Variants in GOLGB1 observed in about 807,000 individuals in gnomAD.
GOLGB1 encodes golgin B1, also known as golgin subfamily B member 1.
A neutral mutation model predicts 336.9 loss-of-function variants in GOLGB1; 174 were observed. That is an observed-to-expected ratio of 0.52 (90% CI 0.46 to 0.59). GOLGB1 has a LOEUF of 0.59. Ranked by LOEUF, GOLGB1 falls within the 20% of genes least tolerant of loss-of-function variation. GOLGB1 has a pLI of 0.00. For missense variants in GOLGB1, 3,331 were observed against 3,645.3 expected (o/e 0.91, Z 2.22); for synonymous variants, 1,208 against 1,289.2 (o/e 0.94, Z 1.35).
intron 12 of GOLGB1, among the ~76,000 whole-genome samples, 172 bp downstream of exon 12, chr3:121,699,640 C>A (rs1042064235): frequency 4.6e-5 from 7 of 152,158 alleles, no homozygotes; most frequent in African/African-American, 1.7e-4. Context: ...TATTCAGAAA[C>A]AAGTAACAAT....
intron 10 of GOLGB1, among the ~76,000 whole-genome samples, chr3:121,710,762 C>T (rs1041547111): frequency 4.0e-5 from 6 of 151,886 alleles, no homozygotes; most frequent in Non-Finnish European, 5.9e-5. Context: ...GAGGCTGAGG[C>T]GGGAGGATCA....
chr3:121,721,075 T>C (rs1945159319), intron 6 of GOLGB1, among the ~76,000 whole-genome samples: 1 of 152,158 alleles, frequency 6.6e-6, no homozygotes, highest in South Asian at 2.1e-4. Context: ...CTGCACTGTA[T>C]ATAGTGCTTA....
intron 10 of GOLGB1, among the ~76,000 whole-genome samples, chr3:121,713,174 T>C (rs1258459527): frequency 6.6e-6 from 1 of 151,660 alleles, no homozygotes; most frequent in East Asian, 1.9e-4. Context: ...AAAAAAAAAA[T>C]AGTACAACCA....
chr3:121,741,238 A>G (rs1249593989), intron 1 of GOLGB1, among the ~76,000 whole-genome samples: 1 of 152,174 alleles, frequency 6.6e-6, no homozygotes, highest in Non-Finnish European at 1.5e-5. Flanking sequence ...GGCAATCCAA[A>G]TGACTAAAGA....
At chr3:121,736,649 T>C (rs554990684) in intron 1 of GOLGB1, among the ~76,000 whole-genome samples, 7 of 152,204 alleles carry the variant, frequency 4.6e-5, no homozygotes, top group Non-Finnish European at 1.0e-4. Context: ...ACGCCTGTAA[T>C]CCTGGCACTT....
At chr3:121,740,659 C>T (rs1231353012) in intron 1 of GOLGB1, among the ~76,000 whole-genome samples, 5 of 151,968 alleles carry the variant, frequency 3.3e-5, no homozygotes, top group Non-Finnish European at 7.4e-5. Context: ...GAAATAATTC[C>T]TAATAATTTG....
chr3:121,698,419 C>T lies in GOLGB1; in HGVS notation c.2104G>A (p.Glu702Lys), dbSNP rs779415403. 57 of 1,613,732 alleles carry T rather than the reference C, an allele frequency of 3.5e-5. No homozygotes were observed. Among genetic ancestry groups the T allele is most frequent in the South Asian group, 8.8e-5 (8 of 91,074 alleles). The change falls in exon 13 of 22, where the codon GAG (glutamate) becomes AAG (lysine). Residue 702 changes from glutamate (E) to lysine (K), a missense_variant. Glu to Lys is a moderately conservative substitution (Grantham distance 56). Coordinates refer to ENST00000614479, the MANE Select transcript of GOLGB1 (RefSeq NM_001366282.2). The part of the protein sequence containing the change: ...ERLKSQILEL[E>K]LNFHKAQEIY... The stretch of plus-strand genomic sequence containing the variant: ...TCTTGTGCTTTATGAAAGTTTAGCT[C>T]GAGCTCCAAAATTTGACTTTTTAAC...
At chr3:121,685,497 T>G (rs1415123776) in intron 14 of GOLGB1, among the ~76,000 whole-genome samples, 1 of 151,828 alleles carries the variant, frequency 6.6e-6, no homozygotes, top group African/African-American at 2.4e-5. Context: ...ATGGCGCCAC[T>G]GCACTCCAGC....
chr3:121,677,366 G>A lies in GOLGB1; in HGVS notation c.8958C>T (p.Leu2986=). The A allele has an allele frequency of 6.2e-7, 1 of 1,604,020 alleles. No individual in the cohort carries two copies. Among genetic ancestry groups the A allele is most frequent in the Non-Finnish European group, 8.5e-7 (1 of 1,170,842 alleles). ...CCCTTATAAGATTCTGCAGATGACT[G>A]AGCTGCTGATCTTTATCTGAGATAG... ...LMAISDKDQQ[L]SHLQNLIREL... Residue 2986 remains leucine (L), a synonymous_variant, in exon 16 of 22, where the codon CTC becomes CTT. Coordinates refer to ENST00000614479, the MANE Select transcript of GOLGB1 (RefSeq NM_001366282.2).
rs570324090 is a variant in GOLGB1, at chr3:121,686,155, T to C, written c.8695-4290A>G. 7.2e-4 allele frequency among the ~76,000 whole-genome samples: 109 copies of C among 152,366 alleles called. 1 individual carries two copies. The highest frequency in any genetic ancestry group is 4.1e-3 in the South Asian group (20 of 4,828). On this transcript the variant is annotated intron_variant, in intron 14 of 21. Transcript: ENST00000614479. Reference sequence around the variant, plus strand: ...GATGTTTCACAACTGCACAGTGTTCTCTTTATGGGAACACAGAAGAAATTT... The same window carrying C: ...GATGTTTCACAACTGCACAGTGTTCCCTTTATGGGAACACAGAAGAAATTT...
Position 121,663,768 on chromosome 3 carries a change from A to G in GOLGB1, c.*712T>C, listed in dbSNP as rs1042918948. Reference sequence around the variant, plus strand: ...CTTCTCCCTGCCCTTTGGTGAAAGGAAAGACTTGGGCCACTTAATACCTTA... The same window carrying G: ...CTTCTCCCTGCCCTTTGGTGAAAGGGAAGACTTGGGCCACTTAATACCTTA... On this transcript the variant is annotated 3_prime_UTR_variant, in exon 22 of 22. Transcript: ENST00000614479. 2.0e-4 allele frequency: 30 copies of G among 152,340 alleles called. No individual in the cohort carries two copies. The highest frequency in any genetic ancestry group is 7.2e-4 in the African/African-American group (30 of 41,564). 9.4% of individuals were successfully genotyped at this position (152,340 alleles called of 1,614,324 possible). A position where few individuals can be genotyped will look rare whatever the true frequency, so the allele number is the denominator to read the frequency against.
chr3:121,730,783 G>C, intron 2 of GOLGB1, 93 bp downstream of exon 2: 1 of 1,211,354 alleles, frequency 8.3e-7, no homozygotes, highest in Non-Finnish European at 1.1e-6. Context: ...TAGTACCAGG[G>C]AGGCTTCGCA....
Position 121,691,833 on chromosome 3 carries a change from T to G in GOLGB1, c.7531A>C (p.Asn2511His). 1 of 1,613,160 alleles carries G rather than the reference T, an allele frequency of 6.2e-7. No individual in the cohort carries two copies. Among genetic ancestry groups the G allele is most frequent in the Non-Finnish European group, 8.5e-7 (1 of 1,179,664 alleles). ...CCTCGTATTTCTTCTTTAAGCTTAT[T>G]ATTCTCTGCAGCAGCCTCTTGGATG... The part of the protein sequence containing the change: ...QLIQEAAAEN[N>H]KLKEEIRGLR... The change falls in exon 14 of 22, where the codon AAT (asparagine) becomes CAT (histidine). Residue 2511 changes from asparagine to histidine, a missense_variant. Physicochemically the swap from Asn to His is moderately conservative, Grantham distance 68 (BLOSUM62 1). Coordinates refer to ENST00000614479, the MANE Select transcript of GOLGB1 (RefSeq NM_001366282.2).
chr3:121,708,779 A>G (rs1466215621), intron 10 of GOLGB1, among the ~76,000 whole-genome samples: 1 of 152,202 alleles, frequency 6.6e-6, no homozygotes, highest in Non-Finnish European at 1.5e-5. Context: ...TAAATTCAAG[A>G]AACTTCTAAT....
chr3:121,675,760 T>C (rs1475320168), intron 17 of GOLGB1, among the ~76,000 whole-genome samples: 4 of 152,358 alleles, frequency 2.6e-5, no homozygotes, highest in Middle Eastern at 3.4e-3. Context: ...AATAAAACAT[T>C]AAAAATTTTT....
At position 121,690,044 on chromosome 3, in the gene GOLGB1, T is replaced by C. The variant is rs577064110; in HGVS notation, c.8694+626A>G. On this transcript the variant is annotated intron_variant, in intron 14 of 21. Coordinates refer to ENST00000614479, the MANE Select transcript of GOLGB1 (RefSeq NM_001366282.2). ...AAATGTCAGCATTAGGAAGCCTCTT[T>C]AGCTTTTTCTCCCATTGGAAATGTT... 1.1e-4 allele frequency among the ~76,000 whole-genome samples: 17 copies of C among 152,346 alleles called. No individual in the cohort carries two copies. The South Asian group carries it at 3.5e-3, about 32-fold the overall frequency.
rs781049838 is a variant in GOLGB1 at position 121,726,925 on chromosome 3, T to A, written c.519A>T (p.Glu173Asp). Residue 173 changes from glutamate (E) to aspartate (D), a missense_variant, in exon 5 of 22, where the codon GAA (glutamate) becomes GAT (aspartate). Coordinates refer to ENST00000614479, the MANE Select transcript of GOLGB1 (RefSeq NM_001366282.2). ...LQAQLTQAQAEQPAQSSTEME... is the reference protein window; with the variant it reads ...LQAQLTQAQADQPAQSSTEME... ...CTTCCACCCCTACCTGTGCAGGTTG[T>A]TCTGCCTGTGCCTGAGTAAGCTGGG... 6.3e-7 allele frequency: 1 copy of A among 1,598,946 alleles called. No homozygotes were observed. The highest frequency in any genetic ancestry group is 8.5e-7 in the Non-Finnish European group (1 of 1,171,514).
At position 121,663,455 on chromosome 3, in the gene GOLGB1, G is replaced by C. The variant is rs570947676; in HGVS notation, c.*1025C>G. ...ATTCTATCCTGGCTGTCCTTCTCAG[G>C]TCTATCTATATTTAATTTTGTCTTC... On this transcript the variant is annotated 3_prime_UTR_variant, in exon 22 of 22. Transcript: ENST00000614479. The C allele has an allele frequency of 6.6e-6, 1 of 152,188 alleles. No individual in the cohort carries two copies. The highest frequency in any genetic ancestry group is 1.5e-5 in the Non-Finnish European group (1 of 68,028). 9.4% of individuals were successfully genotyped at this position (152,188 alleles called of 1,614,324 possible).
In GOLGB1 at chr3:121,726,909, C is replaced by T. The variant is rs1360783888; in HGVS notation, c.531+4G>A. Reference sequence around the variant, plus strand: ...AATGATTATGAAGTAACTTCCACCCCTACCTGTGCAGGTTGTTCTGCCTGT... The same window carrying T: ...AATGATTATGAAGTAACTTCCACCCTTACCTGTGCAGGTTGTTCTGCCTGT... On this transcript the variant is annotated splice_donor_region_variant and intron_variant, in intron 5 of 21. Coordinates refer to ENST00000614479, the MANE Select transcript of GOLGB1 (RefSeq NM_001366282.2). The T allele has an allele frequency of 3.3e-5, 52 of 1,581,410 alleles. No homozygotes were observed. Among genetic ancestry groups the T allele is most frequent in the Non-Finnish European group, 4.1e-5 (48 of 1,162,838 alleles).
Sources: allele counts gnomAD v4.1 joint callset (sites outside exome capture counted in the v4.1 genomes callset), GRCh38; gene constraint gnomAD v4.1.1; transcripts MANE v1.5; gene names NCBI Gene and HGNC (gene_info 2026-07-23, HGNC 2026-07-21).